XXYLT1: variants seen among roughly 807,000 people sequenced by gnomAD.
XXYLT1 encodes UDP-xylose:alpha-xyloside alpha-1,3-xylosyltransferase.
In XXYLT1, 20 loss-of-function variants were observed where a neutral mutation model predicts 28.9. The ratio of observed to expected loss-of-function variants is 0.69; its 90% CI spans 0.49 to 1.00. XXYLT1 has a LOEUF of 1.00. Ranked by LOEUF, XXYLT1 falls within the 50% of genes least tolerant of loss-of-function variation. XXYLT1 has a pLI of 0.00. For synonymous variants in XXYLT1, 257 were observed against 253.8 expected, an observed-to-expected ratio of 1.01 and a Z score of -0.12; for missense variants, 542 against 560.1, an observed-to-expected ratio of 0.97 and a Z score of 0.33.
At chr3:195,088,639 G>A (rs1430251709) in intron 3 of XXYLT1, among the ~76,000 whole-genome samples, 60 of 133,350 alleles carry the variant, frequency 4.5e-4, no homozygotes, top group Admixed American at 1.5e-3. Context: ...CCAAAGGAAC[G>A]CAGTTCCTCA....
intron 3 of XXYLT1, among the ~76,000 whole-genome samples, chr3:195,105,904 C>T (rs1446710214): frequency 6.6e-6 from 1 of 152,222 alleles, no homozygotes; most frequent in Non-Finnish European, 1.5e-5. Flanking sequence ...TATTCCCCAC[C>T]TTCCCTTACT....
rs546874293 is a variant in XXYLT1, at chr3:195,181,248, A to G, written c.653-24667T>C. Among the ~76,000 whole-genome samples, 9 of 151,050 alleles carry G rather than the reference A, an allele frequency of 6.0e-5. No individual in the cohort carries two copies. The East Asian group carries it at 1.7e-3, about 29-fold the overall frequency. On this transcript the variant is annotated intron_variant, in intron 2 of 3. Transcript: ENST00000310380. ...ATAAAGGATGACAATCTCCCTTTTC[A>G]CACTGGCTGTGTATCTGCGTGGCTG...
chr3:195,270,085 A>AT (rs1725967284), intron 1 of XXYLT1: 1 of 250,586 alleles, frequency 4.0e-6, no homozygotes, highest in Non-Finnish European at 8.4e-6. Context: ...TCCTACTGAA[A>AT]TACCTTAAGA....
chr3:195,142,206 T>A lies in XXYLT1; in HGVS notation c.785+14243A>T, dbSNP rs146930234. On this transcript the variant is annotated intron_variant, in intron 3 of 3. Transcript: ENST00000310380. ...TCCCGAGGCCTGGGACAGCCCTGGG[T>A]CACACTTGTTGTCCTAGTGCCCCCT... Among the ~76,000 whole-genome samples, 375 of 152,364 alleles carry A rather than the reference T, an allele frequency of 2.5e-3. 4 individuals are homozygous for A. Among genetic ancestry groups the A allele is most frequent in the African/African-American group, 8.6e-3 (359 of 41,584 alleles).
chr3:195,182,348 G>A (rs1577118150), intron 2 of XXYLT1, among the ~76,000 whole-genome samples: 1 of 152,174 alleles, frequency 6.6e-6, no homozygotes, highest in Non-Finnish European at 1.5e-5. Flanking sequence ...ATTACCTGAC[G>A]AGGACAACTA....
chr3:195,112,313 G>T (rs1717763935), intron 3 of XXYLT1, among the ~76,000 whole-genome samples: 1 of 152,148 alleles, frequency 6.6e-6, no homozygotes, highest in Non-Finnish European at 1.5e-5. Context: ...AGCCCCAGAA[G>T]ATCTGTCCAC....
chr3:195,082,492 G>A (rs1434535708), intron 3 of XXYLT1, among the ~76,000 whole-genome samples: 1 of 152,152 alleles, frequency 6.6e-6, no homozygotes, highest in Admixed American at 6.5e-5. Context: ...CTTCCCTCAG[G>A]CATTTCGGCA....
rs532890482 is a variant in XXYLT1, at chr3:195,257,067, G to A, written c.504+13488C>T. Among the ~76,000 whole-genome samples the A allele has an allele frequency of 6.6e-6, 1 of 152,220 alleles. No individual in the cohort carries two copies. Among genetic ancestry groups the A allele is most frequent in the African/African-American group, 2.4e-5 (1 of 41,448 alleles). On this transcript the variant is annotated intron_variant, in intron 1 of 3. Transcript: ENST00000310380. The surrounding 1 kb of genome is among the most constrained non-coding windows in gnomAD (Gnocchi z 4.3). ...TGGATGACTTTCTGCAGGAGAACCC[G>A]TGACAAGAGGGACCGGGAAGCTTTC...
chr3:195,259,260 T>G (rs180763818), intron 1 of XXYLT1, among the ~76,000 whole-genome samples: 84 of 152,318 alleles, frequency 5.5e-4, no homozygotes, highest in African/African-American at 1.9e-3. Context: ...TAAAACACAT[T>G]AACTTAACAG....
intron 3 of XXYLT1, among the ~76,000 whole-genome samples, chr3:195,119,287 C>CAAA (rs11328657): frequency 1.8e-5 from 2 of 109,562 alleles, no homozygotes; most frequent in African/African-American, 6.8e-5. Flanking sequence ...CCATCTCAAA[C>CAAA]AAAAAAAAAA....
At chr3:195,268,379 C>T (rs891961940) in intron 1 of XXYLT1, among the ~76,000 whole-genome samples, 4 of 149,510 alleles carry the variant, frequency 2.7e-5, no homozygotes, top group African/African-American at 7.4e-5. Flanking sequence ...TGCAGTGAGC[C>T]GAGATCACAC....
chr3:195,166,765 T>A (rs895376091), intron 2 of XXYLT1, among the ~76,000 whole-genome samples: 2 of 151,952 alleles, frequency 1.3e-5, no homozygotes, highest in African/African-American at 4.8e-5. Flanking sequence ...CACTGCAACC[T>A]CCACCTCCTG....
chr3:195,197,441 TAAAAAAAAA>T (rs59076636), intron 2 of XXYLT1, among the ~76,000 whole-genome samples: 1 of 106,178 alleles, frequency 9.4e-6, no homozygotes, highest in Admixed American at 9.9e-5. Flanking sequence ...AGTCTCAATT[TAAAAAAAAA>T]AAAAAAAAAA....
intron 2 of XXYLT1, among the ~76,000 whole-genome samples, chr3:195,189,382 A>T (rs1722330969): frequency 1.3e-5 from 2 of 152,262 alleles, no homozygotes; most frequent in East Asian, 3.8e-4. Context: ...GGAAAATACC[A>T]GAAATCAGAG....
rs940384617 is a variant in XXYLT1 at position 195,076,260 on chromosome 3, C to A, written c.786-6149G>T. Among the ~76,000 whole-genome samples the A allele has an allele frequency of 1.3e-5, 2 of 151,686 alleles. No individual in the cohort carries two copies. Among genetic ancestry groups the A allele is most frequent in the Admixed American group, 1.3e-4 (2 of 15,246 alleles). On this transcript the variant is annotated intron_variant, in intron 3 of 3. Transcript: ENST00000310380. This position sits in a 1 kb window ranked among gnomAD's most constrained non-coding sequence, Gnocchi z 5.3. ...ACATCTGCTGAGCAGATGTGCACAG[C>A]TTTAATCAGGACAGTGTTACCACCC...
chr3:195,193,324 A>G (rs1722500308), intron 2 of XXYLT1, among the ~76,000 whole-genome samples: 1 of 151,988 alleles, frequency 6.6e-6, no homozygotes, highest in Non-Finnish European at 1.5e-5. Flanking sequence ...ATAATAAAAT[A>G]CTTAGGAATA....
In XXYLT1 at chr3:195,255,010, G is replaced by A. The variant is rs1266904817; in HGVS notation, c.504+15545C>T. On this transcript the variant is annotated intron_variant, in intron 1 of 3. Coordinates refer to ENST00000310380, the MANE Select transcript of XXYLT1 (RefSeq NM_152531.5). This position sits in a 1 kb window ranked among gnomAD's most constrained non-coding sequence, Gnocchi z 4.5. Reference sequence around the variant, plus strand: ...ACACACGCCCATTCCCACACCCGCTGCACAGGAAAGAGAAAGAAGTCAGAC... The same window carrying A: ...ACACACGCCCATTCCCACACCCGCTACACAGGAAAGAGAAAGAAGTCAGAC... Among the ~76,000 whole-genome samples the A allele has an allele frequency of 1.3e-5, 2 of 152,130 alleles. No homozygotes were observed. Among genetic ancestry groups the A allele is most frequent in the African/African-American group, 2.4e-5 (1 of 41,408 alleles).
At chr3:195,268,993 G>A (rs1481693636) in intron 1 of XXYLT1, among the ~76,000 whole-genome samples, 1 of 152,228 alleles carries the variant, frequency 6.6e-6, no homozygotes, top group Non-Finnish European at 1.5e-5. Flanking sequence ...GCTCCAAGGA[G>A]GGGATGGTAT....
In XXYLT1 at chr3:195,268,608, A is replaced by G. The variant is rs1414921648; in HGVS notation, c.504+1947T>C. Among the ~76,000 whole-genome samples, 4 of 152,078 alleles carry G rather than the reference A, an allele frequency of 2.6e-5. No homozygotes were observed. The East Asian group carries it at 7.7e-4, about 29-fold the overall frequency. On this transcript the variant is annotated intron_variant, in intron 1 of 3. Coordinates refer to ENST00000310380, the MANE Select transcript of XXYLT1 (RefSeq NM_152531.5). ...AGCGAAACTCCATCTCACAAAAAAA[A>G]AAAAGAAGTAACGGGAGCAATTTTA...
Sources: gnomAD v4.1 joint callset for allele counts (sites outside exome capture counted in the v4.1 genomes callset) on GRCh38, gnomAD v4.1.1 for gene constraint, Gnocchi (gnomAD v3.1) non-coding constraint, MANE v1.5 for transcripts, NCBI Gene and HGNC (gene_info 2026-07-23, HGNC 2026-07-21) for gene names.